Variants in SAE1 observed in about 807,000 individuals in gnomAD.
The protein encoded by SAE1 is SUMO1 activating enzyme subunit 1, also known as SUMO-activating enzyme subunit 1.
SAE1 carries 11 observed loss-of-function variants against 40.6 expected under a neutral mutation model. The observed-to-expected ratio is 0.27, with a 90% CI of 0.17 to 0.45. The LOEUF is 0.45. Ranked by LOEUF, SAE1 falls within the 20% of genes least tolerant of loss-of-function variation. The pLI, the probability that SAE1 is intolerant of heterozygous loss-of-function variation, is 1.00. For missense variants in SAE1, 373 were observed against 427.3 expected (o/e 0.87, Z 1.12); for synonymous variants, 155 against 154.3 (o/e 1.00, Z -0.03).
At chr19:47,178,146 C>A (rs2058482552) in intron 6 of SAE1, among the ~76,000 whole-genome samples, 1 of 151,688 alleles carries the variant, frequency 6.6e-6, no homozygotes, top group African/African-American at 2.4e-5. Context: ...GAGGGGGAGG[C>A]AGGAGAATCG....
At chr19:47,177,250 G>C (rs956768797) in intron 6 of SAE1, among the ~76,000 whole-genome samples, 1 of 152,194 alleles carries the variant, frequency 6.6e-6, no homozygotes, top group Non-Finnish European at 1.5e-5. Context: ...AAGAGGAATA[G>C]AATAAGTGTT....
Position 47,209,980 on chromosome 19 carries a change from G to T in SAE1, c.*729G>T, listed in dbSNP as rs983963619. The T allele has an allele frequency of 2.6e-5, 4 of 152,286 alleles. No individual in the cohort carries two copies. Among genetic ancestry groups the T allele is most frequent in the Admixed American group, 1.3e-4 (2 of 15,294 alleles). The allele number at this position is 152,286 out of a possible 1,614,324, so 9.4% of individuals were successfully genotyped here. ...TTAGAGAGCTTGTCTTTCAAGGCAG[G>T]TTCCTGGGGCTTCAGGGCTAGGAGG... On this transcript the variant is annotated 3_prime_UTR_variant, in exon 9 of 9. Coordinates refer to ENST00000270225, the MANE Select transcript of SAE1 (RefSeq NM_005500.3).
chr19:47,161,363 A>G (rs1049255065), intron 5 of SAE1, among the ~76,000 whole-genome samples: 18 of 152,248 alleles, frequency 1.2e-4, no homozygotes, highest in African/African-American at 2.9e-4. Context: ...TGCAGCATCA[A>G]TGCAGATAAT....
chr19:47,199,390 CAAAAAAAAAAAAA>C (rs35275499), intron 7 of SAE1, among the ~76,000 whole-genome samples: 8 of 56,312 alleles, frequency 1.4e-4, no homozygotes, highest in African/African-American at 4.7e-4. Context: ...GACTCCTTCT[CAAAAAAAAAAAAA>C]AAAAAAAAAA....
chr19:47,133,735 C>A (rs2058161406), intron 1 of SAE1, among the ~76,000 whole-genome samples: 1 of 152,056 alleles, frequency 6.6e-6, no homozygotes, highest in African/African-American at 2.4e-5. Flanking sequence ...AGGATGACAC[C>A]ACTGTTTTTG....
At chr19:47,166,382 C>T (rs1036215603) in intron 5 of SAE1, among the ~76,000 whole-genome samples, 1 of 152,136 alleles carries the variant, frequency 6.6e-6, no homozygotes, top group South Asian at 2.1e-4. Flanking sequence ...ATGAAGAAGG[C>T]GAGTTTGTCA....
At chr19:47,163,251 C>CAA (rs78034057) in intron 5 of SAE1, among the ~76,000 whole-genome samples, 1 of 111,160 alleles carries the variant, frequency 9.0e-6, no homozygotes, top group Non-Finnish European at 1.9e-5. Flanking sequence ...GGAGTACATC[C>CAA]AAAAAAAAAA....
chr19:47,157,487 G>A (rs2123223335), intron 5 of SAE1, among the ~76,000 whole-genome samples: 1 of 152,300 alleles, frequency 6.6e-6, no homozygotes, highest in East Asian at 1.9e-4. Flanking sequence ...GATTGAGGCA[G>A]GTCTTTCACA....
intron 3 of SAE1, among the ~76,000 whole-genome samples, chr19:47,150,982 C>A (rs1248644057): frequency 1.3e-5 from 2 of 152,160 alleles, no homozygotes; most frequent in Non-Finnish European, 2.9e-5. Context: ...AGGATAAATT[C>A]TTTGTCAATA....
chr19:47,171,644 A>AT lies in SAE1; in HGVS notation c.733+1729dup, dbSNP rs552951662. Among the ~76,000 whole-genome samples the AT allele has an allele frequency of 2.7e-3, 405 of 151,458 alleles. 4 individuals carry two copies. The highest frequency in any genetic ancestry group is 9.4e-3 in the African/African-American group (388 of 41,200). The stretch of plus-strand genomic sequence containing the variant: ...TTTTTTGTATTTTTAGTATTTTTGT[A>AT]TTTTTTTTGTATTTTCACCATCTTG... On this transcript the variant is annotated intron_variant, in intron 6 of 8. Coordinates refer to ENST00000270225, the MANE Select transcript of SAE1 (RefSeq NM_005500.3).
chr19:47,161,844 T>C (rs1191418825), intron 5 of SAE1, among the ~76,000 whole-genome samples: 2 of 152,252 alleles, frequency 1.3e-5, no homozygotes, highest in African/African-American at 4.8e-5. Flanking sequence ...TTTTATCTTC[T>C]TAAAAATTGG....
At chr19:47,163,194 C>T (rs2058369607) in intron 5 of SAE1, among the ~76,000 whole-genome samples, 1 of 150,284 alleles carries the variant, frequency 6.7e-6, no homozygotes, top group Admixed American at 6.7e-5. Flanking sequence ...ATGGGCTTCA[C>T]ATTCATGGAT....
At chr19:47,179,097 C>T (rs1191787376) in intron 6 of SAE1, among the ~76,000 whole-genome samples, 1 of 148,970 alleles carries the variant, frequency 6.7e-6, no homozygotes, top group Non-Finnish European at 1.5e-5. Context: ...GAGGCTGAGG[C>T]AGGAGAATGG....
At chr19:47,145,256 C>G (rs1290784927) in intron 2 of SAE1, among the ~76,000 whole-genome samples, 1 of 152,182 alleles carries the variant, frequency 6.6e-6, no homozygotes, top group Non-Finnish European at 1.5e-5. Flanking sequence ...CCACCTCGGC[C>G]TCCCAAAGTG....
At chr19:47,188,473 C>T (rs1417839866) in intron 6 of SAE1, among the ~76,000 whole-genome samples, 5 of 152,166 alleles carry the variant, frequency 3.3e-5, no homozygotes, top group Non-Finnish European at 7.3e-5. Context: ...GAGCCCACAG[C>T]TGAATTAATG....
chr19:47,193,001 T>G (rs1251050054), intron 6 of SAE1, among the ~76,000 whole-genome samples: 3 of 152,022 alleles, frequency 2.0e-5, no homozygotes, highest in East Asian at 3.9e-4. Context: ...AGTAGAAGTA[T>G]TGGGTGGTAG....
intron 6 of SAE1, among the ~76,000 whole-genome samples, chr19:47,195,489 C>A (rs2058607900): frequency 6.6e-6 from 1 of 152,126 alleles, no homozygotes; most frequent in African/African-American, 2.4e-5. Context: ...AATTAAACAT[C>A]CATTTATGGG....
chr19:47,206,977 A>G (rs2058689761), intron 8 of SAE1, among the ~76,000 whole-genome samples: 1 of 152,326 alleles, frequency 6.6e-6, no homozygotes. Context: ...CTAGCTGAAT[A>G]CCTGGCATAG....
At chr19:47,147,015 A>G (rs1196000991) in intron 2 of SAE1, among the ~76,000 whole-genome samples, 1 of 152,102 alleles carries the variant, frequency 6.6e-6, no homozygotes, top group Non-Finnish European at 1.5e-5. Flanking sequence ...TGAAAGAGGC[A>G]TTGAGTTGGT....
Sources: allele counts gnomAD v4.1 joint callset (sites outside exome capture counted in the v4.1 genomes callset), GRCh38; gene constraint gnomAD v4.1.1; transcripts MANE v1.5; gene names NCBI Gene and HGNC (gene_info 2026-07-23, HGNC 2026-07-21).